The following SCAMP1 variants were observed in gnomAD, a reference collection of about 807,000 sequenced individuals.
SCAMP1 encodes secretory carrier-associated membrane protein 1.
Under a neutral mutation model 41.8 loss-of-function variants are expected in SCAMP1, and 15 were observed. That is an observed-to-expected ratio of 0.36 (90% CI 0.24 to 0.55). The LOEUF (loss-of-function observed/expected upper bound fraction) is 0.55, where lower values mean the gene tolerates loss of function less well. SCAMP1 is among the 20% of genes least tolerant of loss of function. SCAMP1 has a pLI of 0.86. For missense variants in SCAMP1, 341 were observed against 412.6 expected (o/e 0.83, Z 1.50); for synonymous variants, 135 against 136.8 (o/e 0.99, Z 0.09).
chr5:78,373,378 A>G (rs1160980125), intron 1 of SCAMP1, among the ~76,000 whole-genome samples: 1 of 152,170 alleles, frequency 6.6e-6, no homozygotes, highest in Non-Finnish European at 1.5e-5. Flanking sequence ...TATGCTACTT[A>G]CCTTAGGCTT....
intron 7 of SCAMP1, among the ~76,000 whole-genome samples, chr5:78,454,345 G>C (rs1228872081): frequency 7.2e-5 from 11 of 152,112 alleles, no homozygotes; most frequent in African/African-American, 1.4e-4. Flanking sequence ...TTATTATTTT[G>C]AAATACGTCC....
At chr5:78,416,189 T>A (rs1156749104) in intron 3 of SCAMP1, among the ~76,000 whole-genome samples, 1 of 152,202 alleles carries the variant, frequency 6.6e-6, no homozygotes, top group Non-Finnish European at 1.5e-5. Context: ...TTTTCTATTG[T>A]TCATTTTCCT....
intron 6 of SCAMP1, among the ~76,000 whole-genome samples, chr5:78,445,876 G>C (rs1463836135): frequency 6.6e-6 from 1 of 152,232 alleles, no homozygotes; most frequent in Non-Finnish European, 1.5e-5. Flanking sequence ...GGAGATAAGA[G>C]TCTAGGTAGT....
intron 7 of SCAMP1, 124 bp downstream of exon 7, chr5:78,450,158 T>C (rs1357588478): frequency 1.2e-5 from 7 of 599,958 alleles, no homozygotes; most frequent in Admixed American, 1.1e-4. Context: ...AAAAATTGTT[T>C]TAAAAATACA....
At chr5:78,391,951 G>A (rs957857908) in intron 2 of SCAMP1, among the ~76,000 whole-genome samples, 3 of 152,128 alleles carry the variant, frequency 2.0e-5, no homozygotes, top group Admixed American at 2.0e-4. Context: ...AGCCGAGATG[G>A]CAGCAGTACA....
At chr5:78,368,706 A>C (rs1231563586) in intron 1 of SCAMP1, among the ~76,000 whole-genome samples, 2 of 152,200 alleles carry the variant, frequency 1.3e-5, no homozygotes, top group Admixed American at 6.5e-5. Flanking sequence ...GACTGGAATC[A>C]AGTTCTAGGA....
Position 78,418,816 on chromosome 5 carries a change from G to T in SCAMP1, c.385G>T (p.Val129Phe). The change falls in exon 5 of 9, where the codon GTC (valine) becomes TTC (phenylalanine). Residue 129 changes from valine (V) to phenylalanine (F), a missense_variant. Coordinates refer to ENST00000621999, the MANE Select transcript of SCAMP1 (RefSeq NM_004866.6). ...NWPPLPSNFPVGPCFYQDFSV... is the reference protein window; with the variant it reads ...NWPPLPSNFPFGPCFYQDFSV... ...GCCACCTCTTCCTAGCAATTTTCCT[G>T]TCGGACCTTGTTTCTATCAGGATTT... 1 of 1,573,482 alleles carries T rather than the reference G, an allele frequency of 6.4e-7. No homozygotes were observed. The highest frequency in any genetic ancestry group is 2.3e-5 in the East Asian group (1 of 43,368).
intron 8 of SCAMP1, among the ~76,000 whole-genome samples, chr5:78,471,711 G>C (rs575415203): frequency 6.6e-6 from 1 of 152,214 alleles, no homozygotes; most frequent in African/African-American, 2.4e-5. Context: ...AAGGAGGCAG[G>C]ACTCCTTTAT....
chr5:78,392,191 A>T (rs1314535419), intron 2 of SCAMP1, among the ~76,000 whole-genome samples: 3 of 149,234 alleles, frequency 2.0e-5, no homozygotes, highest in South Asian at 4.1e-4. Context: ...TACTCTTATC[A>T]GTTGTAGTAT....
At chr5:78,462,472 G>T (rs1335616454) in intron 8 of SCAMP1, among the ~76,000 whole-genome samples, 1 of 152,114 alleles carries the variant, frequency 6.6e-6, no homozygotes, top group Admixed American at 6.5e-5. Context: ...CGGGATTACA[G>T]ATGTGGCACC....
intron 1 of SCAMP1, among the ~76,000 whole-genome samples, chr5:78,365,367 G>T (rs1050868206): frequency 4.7e-5 from 7 of 150,516 alleles, no homozygotes; most frequent in African/African-American, 1.7e-4. Context: ...CCAGCTACTT[G>T]GGAGGCTGAG....
At chr5:78,395,864 C>T (rs1298817051) in intron 2 of SCAMP1, among the ~76,000 whole-genome samples, 1 of 152,220 alleles carries the variant, frequency 6.6e-6, no homozygotes, top group Non-Finnish European at 1.5e-5. Flanking sequence ...AAAGGAGTGA[C>T]ATTCCATCAT....
At chr5:78,456,371 G>T (rs187548112) in intron 7 of SCAMP1, among the ~76,000 whole-genome samples, 1 of 152,018 alleles carries the variant, frequency 6.6e-6, no homozygotes, top group African/African-American at 2.4e-5. Context: ...CTCTTTTAGG[G>T]CAGGCCTGGT....
At chr5:78,412,833 A>G (rs1752113776) in intron 2 of SCAMP1, among the ~76,000 whole-genome samples, 1 of 152,160 alleles carries the variant, frequency 6.6e-6, no homozygotes, top group Non-Finnish European at 1.5e-5. Flanking sequence ...TTCCTAGTCC[A>G]TGATTTGACT....
At chr5:78,387,305 G>A (rs766819667) in intron 1 of SCAMP1, among the ~76,000 whole-genome samples, 9 of 149,010 alleles carry the variant, frequency 6.0e-5, no homozygotes, top group Non-Finnish European at 1.3e-4. Flanking sequence ...TCCAGAAGTT[G>A]CGATTGTTTT....
At chr5:78,454,839 T>G (rs1471232240) in intron 7 of SCAMP1, among the ~76,000 whole-genome samples, 1 of 152,232 alleles carries the variant, frequency 6.6e-6, no homozygotes, top group African/African-American at 2.4e-5. Flanking sequence ...GGTAAAATAT[T>G]GATTATTGCC....
At chr5:78,360,806 C>T in intron 1 of SCAMP1, 78 bp downstream of exon 1, 1 of 1,393,530 alleles carries the variant, frequency 7.2e-7, no homozygotes, top group South Asian at 1.2e-5. Context: ...TTCGCGCCCA[C>T]TGCGTCTGCC....
At chr5:78,438,087 A>G (rs1000062987) in intron 6 of SCAMP1, among the ~76,000 whole-genome samples, 9 of 152,144 alleles carry the variant, frequency 5.9e-5, no homozygotes, top group East Asian at 5.8e-4. Flanking sequence ...TATTGCATCT[A>G]TTTGATTCTT....
At chr5:78,440,985 T>G (rs13153360) in intron 6 of SCAMP1, among the ~76,000 whole-genome samples, 2 of 152,222 alleles carry the variant, frequency 1.3e-5, no homozygotes, top group South Asian at 4.1e-4. Flanking sequence ...AGCAAGGCTC[T>G]GTGGGCGTGG....
Sources: gnomAD v4.1 joint callset for allele counts (sites outside exome capture counted in the v4.1 genomes callset) on GRCh38, gnomAD v4.1.1 for gene constraint, MANE v1.5 for transcripts, NCBI Gene and HGNC (gene_info 2026-07-23, HGNC 2026-07-21) for gene names.